The following COG4 variants were observed in gnomAD, a reference collection of about 807,000 sequenced individuals.
COG4 encodes the protein conserved oligomeric Golgi complex subunit 4.
A neutral mutation model predicts 95.1 loss-of-function variants in COG4; 65 were observed. The ratio of observed to expected loss-of-function variants is 0.68; its 90% CI spans 0.56 to 0.84. The LOEUF (loss-of-function observed/expected upper bound fraction) is 0.84, where lower values mean the gene tolerates loss of function less well. Among genes scored for constraint, COG4 ranks in the 40% least tolerant of loss-of-function variants. COG4 has a pLI of 0.00. For synonymous variants in COG4, 421 were observed against 374.8 expected, an observed-to-expected ratio of 1.12 and a Z score of -1.42; for missense variants, 1,045 against 989.1, an observed-to-expected ratio of 1.06 and a Z score of -0.76.
At chr16:70,494,472 C>G (rs922835903) in intron 12 of COG4, among the ~76,000 whole-genome samples, 1 of 152,176 alleles carries the variant, frequency 6.6e-6, no homozygotes, top group African/African-American at 2.4e-5. Flanking sequence ...TCAGGAAAAC[C>G]AGAAACCTGT....
intron 3 of COG4, 94 bp from the exon 4 acceptor site, chr16:70,514,603 C>G (rs1440592009): frequency 9.7e-7 from 1 of 1,035,300 alleles, no homozygotes; most frequent in Non-Finnish European, 1.5e-6. Context: ...ATCTGATCAA[C>G]CATATGTCAA....
At chr16:70,491,046 G>A (rs180984279) in intron 12 of COG4, among the ~76,000 whole-genome samples, 12 of 152,184 alleles carry the variant, frequency 7.9e-5, no homozygotes, top group African/African-American at 2.6e-4. Flanking sequence ...GGCTCCAAAC[G>A]GTCAAGCCCC....
At chr16:70,501,143 CAA>C (rs1567382717) in intron 8 of COG4, 52 bp from the exon 9 acceptor site, 2 of 1,598,778 alleles carry the variant, frequency 1.3e-6, no homozygotes, top group Non-Finnish European at 1.7e-6. Flanking sequence ...ACCTTAGACA[CAA>C]GAGCTACAGG....
At chr16:70,514,602 A>G in intron 3 of COG4, 93 bp from the exon 4 acceptor site, 1 of 1,035,516 alleles carries the variant, frequency 9.7e-7, no homozygotes. Flanking sequence ...AATCTGATCA[A>G]CCATATGTCA....
At chr16:70,514,598 A>T in intron 3 of COG4, 89 bp from the exon 4 acceptor site, 1 of 1,067,416 alleles carries the variant, frequency 9.4e-7, no homozygotes, top group East Asian at 2.4e-5. Flanking sequence ...GCTGAATCTG[A>T]TCAACCATAT....
chr16:70,518,659 T>A (rs563897786), intron 2 of COG4, among the ~76,000 whole-genome samples: 2 of 152,190 alleles, frequency 1.3e-5, no homozygotes, highest in African/African-American at 4.8e-5. Flanking sequence ...TTTTTATGAC[T>A]AACAAATATA....
At position 70,498,188 on chromosome 16, in the gene COG4, T is replaced by C. The variant is rs2049379341; in HGVS notation, c.1196-133A>G. ...ATATTTTACATCGTTACAATCATGA[T>C]ACAGATAGCAATTTTGAATTCTGTT... On this transcript the variant is annotated intron_variant, in intron 9 of 18. Coordinates refer to ENST00000323786, the MANE Select transcript of COG4 (RefSeq NM_015386.3). 2.4e-5 allele frequency: 16 copies of C among 668,884 alleles called. No individual in the cohort carries two copies. The South Asian group carries it at 2.5e-4, about 10-fold the overall frequency. The allele number at this position is 668,884 out of a possible 1,614,324, so 41.4% of individuals were successfully genotyped here.
chr16:70,520,519 C>T (rs1399347828), intron 1 of COG4, among the ~76,000 whole-genome samples: 1 of 151,646 alleles, frequency 6.6e-6, no homozygotes, highest in Non-Finnish European at 1.5e-5. Flanking sequence ...GTAATCCCAG[C>T]TACACAGGAG....
At chr16:70,501,818 ATTT>A (rs746516643) in intron 8 of COG4, among the ~76,000 whole-genome samples, 16 of 136,300 alleles carry the variant, frequency 1.2e-4, no homozygotes, top group South Asian at 9.2e-4. Flanking sequence ...CACCTGGCAG[ATTT>A]TTTTTTTTTT....
intron 11 of COG4, 45 bp downstream of exon 11, chr16:70,497,176 G>A: frequency 6.3e-7 from 1 of 1,591,536 alleles, no homozygotes; most frequent in Non-Finnish European, 8.6e-7. Context: ...GGAATCAACA[G>A]GAAGGGCCTT....
chr16:70,513,038 G>C (rs1292594876), intron 4 of COG4, among the ~76,000 whole-genome samples: 1 of 152,190 alleles, frequency 6.6e-6, no homozygotes, highest in Non-Finnish European at 1.5e-5. Context: ...AGGCTTCCTA[G>C]AGAAGGTGAC....
chr16:70,496,445 T>C lies in COG4; in HGVS notation c.1482-14A>G. 1.2e-6 allele frequency: 2 copies of C among 1,613,926 alleles called. No homozygotes were observed. The highest frequency in any genetic ancestry group is 1.3e-5 in the African/African-American group (1 of 74,980). ...CACAGAACATCCCTGGGGGGCAGGA[T>C]TGCATAGAGGAATTGACAGTGCTCA... On this transcript the variant is annotated splice_polypyrimidine_tract_variant and intron_variant, in intron 11 of 18. Transcript: ENST00000323786.
intron 1 of COG4, chr16:70,523,144 G>A (rs922758274): frequency 3.4e-6 from 2 of 583,290 alleles, no homozygotes; most frequent in Non-Finnish European, 6.1e-6. Context: ...GGGGTCTAGG[G>A]AGGAGAGGCT....
chr16:70,508,485 G>A lies in COG4; in HGVS notation c.1003-21C>T, dbSNP rs369368603. 3.7e-6 allele frequency: 6 copies of A among 1,609,436 alleles called. No individual in the cohort carries two copies. In the African/African-American group the frequency reaches 8.0e-5, roughly 22 times the overall value. ...CGGAACTGCAACATACCACAGGAAT[G>A]AGAATATTCTTCCCCACCCCCACAT... is the stretch of plus-strand genomic sequence containing the variant. On this transcript the variant is annotated intron_variant, in intron 7 of 18. Transcript: ENST00000323786.
intron 13 of COG4, among the ~76,000 whole-genome samples, chr16:70,489,235 T>C (rs1298319288): frequency 6.6e-6 from 1 of 152,042 alleles, no homozygotes; most frequent in African/African-American, 2.4e-5. Context: ...TTTTTTTTTT[T>C]TGAGACAGAA....
Position 70,480,764 on chromosome 16 carries a change from G to A in COG4, c.*246C>T, listed in dbSNP as rs1446582244. ...GCCTGGGCTGCTCGCTGCCTGCCGT[G>A]GCTTTCCCACCTCATTAGGAGCCCG... On this transcript the variant is annotated 3_prime_UTR_variant, in exon 19 of 19. Transcript: ENST00000323786. 1 of 547,580 alleles carries A rather than the reference G, an allele frequency of 1.8e-6. No individual in the cohort carries two copies. Among genetic ancestry groups the A allele is most frequent in the Non-Finnish European group, 3.3e-6 (1 of 303,946 alleles). 33.9% of individuals were successfully genotyped at this position (547,580 alleles called of 1,614,324 possible). A position where few individuals can be genotyped will look rare whatever the true frequency, so the allele number is the denominator to read the frequency against.
Position 70,480,951 on chromosome 16 carries a change from G to T in COG4, c.*59C>A. ...GACAGCCTCGCTCAGCTCCTTGGCTGGGGCCCCTTAGGGAACAGGCCTGCA... is the reference window on the plus strand; with the variant it reads ...GACAGCCTCGCTCAGCTCCTTGGCTTGGGCCCCTTAGGGAACAGGCCTGCA... On this transcript the variant is annotated 3_prime_UTR_variant, in exon 19 of 19. Coordinates refer to ENST00000323786, the MANE Select transcript of COG4 (RefSeq NM_015386.3). The T allele has an allele frequency of 3.1e-6, 5 of 1,602,634 alleles. No individual in the cohort carries two copies.
intron 6 of COG4, among the ~76,000 whole-genome samples, chr16:70,509,624 G>A (rs2049656009): frequency 6.6e-6 from 1 of 152,150 alleles, no homozygotes; most frequent in Admixed American, 6.5e-5. Context: ...GTTTTCTACA[G>A]CAGCATCTTT....
At chr16:70,493,133 G>T (rs187514433) in intron 12 of COG4, among the ~76,000 whole-genome samples, 15 of 152,202 alleles carry the variant, frequency 9.9e-5, no homozygotes, top group South Asian at 8.3e-4. Flanking sequence ...GGAGATGAAG[G>T]TGAGAACATT....
Sources: gnomAD v4.1 joint callset for allele counts (sites outside exome capture counted in the v4.1 genomes callset) on GRCh38, gnomAD v4.1.1 for gene constraint, MANE v1.5 for transcripts, NCBI Gene and HGNC (gene_info 2026-07-23, HGNC 2026-07-21) for gene names.